HAPLN1: variants seen among roughly 807,000 people sequenced by gnomAD.
The protein encoded by HAPLN1 is Cartilage link protein.
HAPLN1 carries 13 observed loss-of-function variants against 36.5 expected under a neutral mutation model. That is an observed-to-expected ratio of 0.36 (90% CI 0.23 to 0.57). The LOEUF is 0.57. Among genes scored for constraint, HAPLN1 ranks in the 20% least tolerant of loss-of-function variants. The pLI is 0.83. For synonymous variants in HAPLN1, 202 were observed against 169.8 expected, an observed-to-expected ratio of 1.19 and a Z score of -1.48; for missense variants, 407 against 439.7, an observed-to-expected ratio of 0.93 and a Z score of 0.66.
intron 1 of HAPLN1, among the ~76,000 whole-genome samples, chr5:83,697,118 G>T (rs1350473199): frequency 6.6e-6 from 1 of 152,006 alleles, no homozygotes; most frequent in African/African-American, 2.4e-5. Context: ...CATTCTAAAT[G>T]ATTCTAAATG....
chr5:83,648,787 T>C (rs1382780707), intron 3 of HAPLN1, among the ~76,000 whole-genome samples: 4 of 152,046 alleles, frequency 2.6e-5, no homozygotes, highest in African/African-American at 9.7e-5. Flanking sequence ...TCATTGATAA[T>C]GAAAAAGGTT....
chr5:83,653,781 A>G (rs1450837915), intron 2 of HAPLN1, among the ~76,000 whole-genome samples: 1 of 152,208 alleles, frequency 6.6e-6, no homozygotes, highest in African/African-American at 2.4e-5. Flanking sequence ...TTTTCTACAT[A>G]CCAGCTGTTA....
intron 2 of HAPLN1, among the ~76,000 whole-genome samples, chr5:83,654,810 A>G (rs968914681): frequency 1.3e-5 from 2 of 152,228 alleles, no homozygotes; most frequent in Admixed American, 6.5e-5. Context: ...ACCTTGGTCT[A>G]ACCTCACTTC....
chr5:83,641,850 A>C (rs1166988092), intron 4 of HAPLN1, 65 bp from the exon 5 acceptor site: 2 of 1,503,210 alleles, frequency 1.3e-6, no homozygotes, highest in Non-Finnish European at 1.8e-6. Flanking sequence ...AGATAGAAAG[A>C]GCCAAAAACG....
At chr5:83,656,327 CAAAAAAAAAAA>C (rs35902132) in intron 2 of HAPLN1, among the ~76,000 whole-genome samples, 2 of 59,786 alleles carry the variant, frequency 3.3e-5, no homozygotes, top group East Asian at 6.5e-4. Flanking sequence ...GACTACGTCT[CAAAAAAAAAAA>C]AAAAAAAAAA....
intron 1 of HAPLN1, among the ~76,000 whole-genome samples, chr5:83,683,641 TA>T (rs1422800457): frequency 6.6e-6 from 1 of 152,152 alleles, no homozygotes; most frequent in Non-Finnish European, 1.5e-5. Flanking sequence ...AGTGTAATCC[TA>T]AAAATACAGA....
intron 1 of HAPLN1, among the ~76,000 whole-genome samples, chr5:83,699,440 G>T (rs901720096): frequency 6.6e-6 from 1 of 152,156 alleles, no homozygotes; most frequent in Admixed American, 6.5e-5. Context: ...AATCTTGCGG[G>T]CTAGTTAGAA....
intron 1 of HAPLN1, among the ~76,000 whole-genome samples, chr5:83,693,234 G>A (rs1283700693): frequency 2.0e-5 from 3 of 151,742 alleles, no homozygotes; most frequent in Admixed American, 2.0e-4. Flanking sequence ...GCAGATATGA[G>A]CAGGACTACT....
At chr5:83,681,326 G>A (rs558430400) in intron 1 of HAPLN1, among the ~76,000 whole-genome samples, 43 of 152,182 alleles carry the variant, frequency 2.8e-4, no homozygotes, top group African/African-American at 9.9e-4. Context: ...GCCATCAGAA[G>A]GCCCCTTGTA....
In HAPLN1 at chr5:83,666,257, C is replaced by T. The variant is rs538447409; in HGVS notation, c.100+7167G>A. ...ATTATTTCTTGATATTTGGTAAAAT[C>T]AGAGAATCAACATGTTGAAATCACT... is the stretch of plus-strand genomic sequence containing the variant. On this transcript the variant is annotated intron_variant, in intron 2 of 4. Transcript: ENST00000274341. Among the ~76,000 whole-genome samples, 75 of 152,148 alleles carry T rather than the reference C, an allele frequency of 4.9e-4. 2 individuals are homozygous for T. The highest frequency in any genetic ancestry group is 1.5e-3 in the South Asian group (7 of 4,824).
chr5:83,669,454 G>A (rs1036926973), intron 2 of HAPLN1, among the ~76,000 whole-genome samples: 2 of 152,122 alleles, frequency 1.3e-5, no homozygotes, highest in African/African-American at 4.8e-5. Context: ...AGCCAAGATT[G>A]AGCCATTGTA....
chr5:83,677,153 T>A (rs1750879338), intron 1 of HAPLN1, among the ~76,000 whole-genome samples: 1 of 152,194 alleles, frequency 6.6e-6, no homozygotes, highest in African/African-American at 2.4e-5. Flanking sequence ...CCTTGAGAGC[T>A]AACACTACAT....
intron 1 of HAPLN1, among the ~76,000 whole-genome samples, chr5:83,712,779 T>C (rs758038519): frequency 3.3e-5 from 5 of 151,750 alleles, no homozygotes; most frequent in Non-Finnish European, 5.9e-5. Flanking sequence ...TTGGTATAAA[T>C]ATGTCCCATG....
At chr5:83,681,083 T>G (rs1580146234) in intron 1 of HAPLN1, among the ~76,000 whole-genome samples, 1 of 152,330 alleles carries the variant, frequency 6.6e-6, no homozygotes, top group East Asian at 1.9e-4. Context: ...ATCAAAAATC[T>G]GAGTAACATC....
intron 1 of HAPLN1, among the ~76,000 whole-genome samples, chr5:83,697,884 T>A (rs1360503931): frequency 6.6e-6 from 1 of 152,200 alleles, no homozygotes; most frequent in Admixed American, 6.5e-5. Flanking sequence ...TTAATTGGGC[T>A]GTTTATTTTT....
In HAPLN1 at chr5:83,640,415, T is replaced by C. The variant is rs1042371007; in HGVS notation, c.*1081A>G. On this transcript the variant is annotated 3_prime_UTR_variant, in exon 5 of 5. Transcript: ENST00000274341. ...GGTTTAGAACTACACTGTTGACTTTTCCCCCCAAACACAGGCACTGGTTGG... is the reference window on the plus strand; with the variant it reads ...GGTTTAGAACTACACTGTTGACTTTCCCCCCCAAACACAGGCACTGGTTGG... 4 of 152,046 alleles carry C rather than the reference T, an allele frequency of 2.6e-5. No individual in the cohort carries two copies. Among genetic ancestry groups the C allele is most frequent in the South Asian group, 2.1e-4 (1 of 4,830 alleles). The allele number at this position is 152,046 out of a possible 1,614,324, so 9.4% of individuals were successfully genotyped here.
At chr5:83,670,100 C>T (rs1750664964) in intron 2 of HAPLN1, among the ~76,000 whole-genome samples, 1 of 152,118 alleles carries the variant, frequency 6.6e-6, no homozygotes. Flanking sequence ...CTGTAAATGT[C>T]TTCTAAAAAG....
Position 83,639,838 on chromosome 5 carries a change from A to G in HAPLN1, c.*1658T>C, listed in dbSNP as rs1029854393. On this transcript the variant is annotated 3_prime_UTR_variant, in exon 5 of 5. Transcript: ENST00000274341. ...AGATATGTTTTTGATGAAAGAAAGG[A>G]CCTACTTTTATTACAATATTTTGTC... 1 of 152,088 alleles carries G rather than the reference A, an allele frequency of 6.6e-6. No individual in the cohort carries two copies. The highest frequency in any genetic ancestry group is 1.5e-5 in the Non-Finnish European group (1 of 67,950). 9.4% of individuals were successfully genotyped at this position (152,088 alleles called of 1,614,324 possible).
Position 83,639,093 on chromosome 5 carries a change from C to T in HAPLN1, c.*2403G>A, listed in dbSNP as rs1356770944. On this transcript the variant is annotated 3_prime_UTR_variant, in exon 5 of 5. Coordinates refer to ENST00000274341, the MANE Select transcript of HAPLN1 (RefSeq NM_001884.4). ...TTGTATTAGAATAACCTTTCTTTTT[C>T]AGACCTGCTCAGTGAGACATCTTGG... 1 of 151,994 alleles carries T rather than the reference C, an allele frequency of 6.6e-6. No individual in the cohort carries two copies. The highest frequency in any genetic ancestry group is 1.5e-5 in the Non-Finnish European group (1 of 67,896). 9.4% of individuals were successfully genotyped at this position (151,994 alleles called of 1,614,324 possible).
Sources: allele counts gnomAD v4.1 joint callset (sites outside exome capture counted in the v4.1 genomes callset), GRCh38; gene constraint gnomAD v4.1.1; transcripts MANE v1.5; gene names NCBI Gene and HGNC (gene_info 2026-07-23, HGNC 2026-07-21).